The following SORCS1 variants were observed in gnomAD, a reference collection of about 807,000 sequenced individuals.
The protein encoded by SORCS1 is VPS10 domain-containing receptor SorCS1.
SORCS1 carries 60 observed loss-of-function variants against 146.1 expected under a neutral mutation model. The ratio of observed to expected loss-of-function variants is 0.41; its 90% CI spans 0.33 to 0.51. The LOEUF (loss-of-function observed/expected upper bound fraction) is 0.51. Among genes scored for constraint, SORCS1 ranks in the 20% least tolerant of loss-of-function variants. The pLI is 0.21. For missense variants in SORCS1, 1,352 were observed against 1,487.6 expected, an observed-to-expected ratio of 0.91 and a Z score of 1.50; for synonymous variants, 637 against 584.0, an observed-to-expected ratio of 1.09 and a Z score of -1.31.
At chr10:106,611,883 G>C (rs771592097) in intron 22 of SORCS1, 28 bp downstream of exon 22, 1 of 1,527,512 alleles carries the variant, frequency 6.5e-7, no homozygotes, top group Non-Finnish European at 9.1e-7. Flanking sequence ...AAGGTACCCG[G>C]GCAAGAGAAG....
At chr10:106,673,120 A>C in intron 14 of SORCS1, 135 bp from the exon 15 acceptor site, 1 of 626,410 alleles carries the variant, frequency 1.6e-6, no homozygotes, top group Non-Finnish European at 2.6e-6. Flanking sequence ...CTCAAAACGC[A>C]TTCATGAAGA....
At chr10:107,033,822 A>T (rs766381933) in intron 1 of SORCS1, among the ~76,000 whole-genome samples, 2 of 152,164 alleles carry the variant, frequency 1.3e-5, no homozygotes, top group Non-Finnish European at 2.9e-5. Context: ...GAATTCTGCC[A>T]TCTCTAGTAC....
chr10:106,906,964 C>T (rs939111793), intron 2 of SORCS1, among the ~76,000 whole-genome samples: 1 of 152,094 alleles, frequency 6.6e-6, no homozygotes, highest in African/African-American at 2.4e-5. Flanking sequence ...TATTATAGAC[C>T]TAAAACAATG....
intron 3 of SORCS1, among the ~76,000 whole-genome samples, 175 bp downstream of exon 3, chr10:106,829,399 C>T (rs1290960725): frequency 6.6e-6 from 1 of 152,166 alleles, no homozygotes; most frequent in African/African-American, 2.4e-5. Context: ...TTCACAGCTG[C>T]TGATCTGAAA....
At chr10:106,775,894 T>C (rs924605863) in intron 4 of SORCS1, among the ~76,000 whole-genome samples, 12 of 152,222 alleles carry the variant, frequency 7.9e-5, no homozygotes, top group Non-Finnish European at 1.6e-4. Context: ...ATATGTCGTA[T>C]AGAGTACATA....
intron 21 of SORCS1, among the ~76,000 whole-genome samples, chr10:106,616,885 T>C (rs1564782177): frequency 6.6e-6 from 1 of 151,370 alleles, no homozygotes; most frequent in Non-Finnish European, 1.5e-5. Flanking sequence ...AATCAACTGA[T>C]AAGGGAACTG....
At chr10:106,878,536 A>T (rs977929075) in intron 2 of SORCS1, among the ~76,000 whole-genome samples, 18 of 149,800 alleles carry the variant, frequency 1.2e-4, no homozygotes, top group African/African-American at 4.2e-4. Flanking sequence ...AGCCTTTGCC[A>T]GACACCAAAT....
chr10:106,972,090 G>T (rs2418831), intron 1 of SORCS1, among the ~76,000 whole-genome samples: 28,711 of 151,900 alleles, frequency 0.19, 3,261 homozygotes, highest in Middle Eastern at 0.31. Context: ...CCCAGGCCAG[G>T]CACGGTGGTT....
intron 1 of SORCS1, among the ~76,000 whole-genome samples, chr10:107,016,281 T>C (rs1282584500): frequency 6.6e-6 from 1 of 152,214 alleles, no homozygotes; most frequent in Non-Finnish European, 1.5e-5. Context: ...CTGAGTCAAC[T>C]GGATACGTCC....
intron 2 of SORCS1, among the ~76,000 whole-genome samples, chr10:106,912,185 G>C (rs1194482981): frequency 6.6e-6 from 1 of 151,858 alleles, no homozygotes; most frequent in Non-Finnish European, 1.5e-5. Flanking sequence ...TGCCACTTTA[G>C]GTTAACTGTG....
intron 17 of SORCS1, 144 bp downstream of exon 17, chr10:106,667,545 T>A (rs1036680894): frequency 5.2e-6 from 3 of 579,480 alleles, no homozygotes; most frequent in Non-Finnish European, 9.3e-6. Context: ...AAAGTTGTGC[T>A]TCATTGTTAA....
At chr10:106,962,358 C>T (rs1250215707) in intron 1 of SORCS1, among the ~76,000 whole-genome samples, 2 of 125,986 alleles carry the variant, frequency 1.6e-5, no homozygotes, top group Non-Finnish European at 3.2e-5. Flanking sequence ...CGCAAAATTG[C>T]ACTCCAGCCT....
intron 2 of SORCS1, among the ~76,000 whole-genome samples, chr10:106,837,530 T>C (rs997348686): frequency 6.6e-6 from 1 of 151,098 alleles, no homozygotes; most frequent in Non-Finnish European, 1.5e-5. Flanking sequence ...TATTGGCTTT[T>C]GCAACACCAA....
At chr10:107,067,353 A>G (rs947119670) in intron 1 of SORCS1, among the ~76,000 whole-genome samples, 14 of 151,656 alleles carry the variant, frequency 9.2e-5, no homozygotes, top group Non-Finnish European at 1.8e-4. Context: ...TTATCTGGGT[A>G]ACCATCTCCT....
At chr10:107,077,118 A>T (rs1056343131) in intron 1 of SORCS1, among the ~76,000 whole-genome samples, 3 of 151,764 alleles carry the variant, frequency 2.0e-5, no homozygotes, top group African/African-American at 7.3e-5. Context: ...GTTTCTATTG[A>T]CCTAAAGTTT....
chr10:106,674,899 A>AT, intron 14 of SORCS1, 150 bp downstream of exon 14: 1 of 509,266 alleles, frequency 2.0e-6, no homozygotes, highest in Non-Finnish European at 3.4e-6. Context: ...AGCTGCCCAC[A>AT]TTTTTCTTCC....
intron 10 of SORCS1, among the ~76,000 whole-genome samples, chr10:106,687,616 T>C (rs949153621): frequency 5.3e-5 from 8 of 152,200 alleles, no homozygotes. Context: ...TGGTGGGCCA[T>C]ATTTTTCCCA....
rs1349506486 is a variant in SORCS1 at position 107,158,295 on chromosome 10, T to C, written c.558+5674A>G. Among the ~76,000 whole-genome samples, 12 of 152,220 alleles carry C rather than the reference T, an allele frequency of 7.9e-5. No individual in the cohort carries two copies. The East Asian group carries it at 2.3e-3, about 29-fold the overall frequency. On this transcript the variant is annotated intron_variant, in intron 1 of 25. Coordinates refer to ENST00000263054, the MANE Select transcript of SORCS1 (RefSeq NM_052918.5). ...GTGTATATTTTTTGCTTAACTCATA[T>C]TTTTCAATCATTCCTAAGGTTAAAA...
At chr10:107,004,431 A>G (rs1957355445) in intron 1 of SORCS1, among the ~76,000 whole-genome samples, 1 of 152,186 alleles carries the variant, frequency 6.6e-6, no homozygotes. Flanking sequence ...GGTGGAGAGA[A>G]AAAGAAGAGC....
Sources: gnomAD v4.1 joint callset for allele counts (sites outside exome capture counted in the v4.1 genomes callset) on GRCh38, gnomAD v4.1.1 for gene constraint, MANE v1.5 for transcripts, NCBI Gene and HGNC (gene_info 2026-07-23, HGNC 2026-07-21) for gene names.